SH3GL2: variants seen among roughly 807,000 people sequenced by gnomAD.
SH3GL2 encodes the protein SH3 domain containing GRB2 like 2, endophilin A1.
In SH3GL2, 24 loss-of-function variants were observed where a neutral mutation model predicts 46.0. The ratio of observed to expected loss-of-function variants is 0.52; its 90% CI spans 0.38 to 0.73. The LOEUF (loss-of-function observed/expected upper bound fraction) is 0.73, where lower values mean the gene tolerates loss of function less well. Ranked by LOEUF, SH3GL2 falls within the 30% of genes least tolerant of loss-of-function variation. The pLI is 0.00. For missense variants in SH3GL2, 413 were observed against 424.2 expected (o/e 0.97, Z 0.23); for synonymous variants, 196 against 147.1 (o/e 1.33, Z -2.40).
At chr9:17,615,712 T>G (rs1259360406) in intron 1 of SH3GL2, among the ~76,000 whole-genome samples, 3 of 149,858 alleles carry the variant, frequency 2.0e-5, no homozygotes, top group Admixed American at 6.6e-5. Flanking sequence ...TGTTTATTGT[T>G]AAAAACTTAG....
At chr9:17,678,831 G>C (rs1382663318) in intron 1 of SH3GL2, among the ~76,000 whole-genome samples, 2 of 152,156 alleles carry the variant, frequency 1.3e-5, no homozygotes, top group Non-Finnish European at 2.9e-5. Context: ...AAGGGATCTA[G>C]TTTCGGCTTT....
chr9:17,646,819 G>C (rs1819830518), intron 1 of SH3GL2, among the ~76,000 whole-genome samples: 1 of 152,214 alleles, frequency 6.6e-6, no homozygotes, highest in South Asian at 2.1e-4. Flanking sequence ...GACCCCTGCT[G>C]GGAGATGTCT....
At chr9:17,719,233 G>C (rs908248036) in intron 1 of SH3GL2, among the ~76,000 whole-genome samples, 4 of 152,108 alleles carry the variant, frequency 2.6e-5, no homozygotes, top group Admixed American at 1.3e-4. Context: ...CATTAATTGT[G>C]CCAATATTAC....
intron 1 of SH3GL2, among the ~76,000 whole-genome samples, chr9:17,674,273 A>T (rs998010816): frequency 6.6e-6 from 1 of 151,732 alleles, no homozygotes; most frequent in African/African-American, 2.4e-5. Context: ...TTATTTATTT[A>T]TTTATTTTTT....
chr9:17,710,719 A>C (rs1293449204), intron 1 of SH3GL2, among the ~76,000 whole-genome samples: 1 of 151,990 alleles, frequency 6.6e-6, no homozygotes, highest in Non-Finnish European at 1.5e-5. Flanking sequence ...ACAAGGGATA[A>C]AATTTTGACA....
At chr9:17,705,141 A>G (rs1295855957) in intron 1 of SH3GL2, among the ~76,000 whole-genome samples, 2 of 152,216 alleles carry the variant, frequency 1.3e-5, no homozygotes, top group Non-Finnish European at 2.9e-5. Context: ...ATATAAAAAC[A>G]TGCTCAACAT....
chr9:17,686,707 C>T (rs530575823), intron 1 of SH3GL2, among the ~76,000 whole-genome samples: 5 of 142,080 alleles, frequency 3.5e-5, no homozygotes, highest in Non-Finnish European at 7.5e-5. Flanking sequence ...CCAAACACCG[C>T]ATATTCTCAC....
intron 1 of SH3GL2, among the ~76,000 whole-genome samples, chr9:17,712,534 C>T (rs1821653931): frequency 1.3e-5 from 2 of 151,740 alleles, no homozygotes; most frequent in Non-Finnish European, 3.0e-5. Context: ...TATGAACATC[C>T]AATTTCTCTA....
chr9:17,612,474 CT>C (rs1818889965), intron 1 of SH3GL2, among the ~76,000 whole-genome samples: 1 of 152,112 alleles, frequency 6.6e-6, no homozygotes, highest in Non-Finnish European at 1.5e-5. Context: ...TCAGGTGATT[CT>C]TATGTACATT....
chr9:17,607,976 TA>T (rs1320143545), intron 1 of SH3GL2, among the ~76,000 whole-genome samples: 10 of 152,156 alleles, frequency 6.6e-5, no homozygotes, highest in Non-Finnish European at 1.5e-4. Context: ...ATGAAATGTT[TA>T]TTATGGTGAA....
At chr9:17,627,612 G>T (rs1471089503) in intron 1 of SH3GL2, among the ~76,000 whole-genome samples, 1 of 152,164 alleles carries the variant, frequency 6.6e-6, no homozygotes, top group Non-Finnish European at 1.5e-5. Context: ...TAATTTCTAT[G>T]AATTGCTATG....
intron 1 of SH3GL2, among the ~76,000 whole-genome samples, chr9:17,595,664 T>A (rs1818556328): frequency 6.6e-6 from 1 of 152,194 alleles, no homozygotes; most frequent in Admixed American, 6.5e-5. Flanking sequence ...AGGAAGTAAA[T>A]CTGTATGTCA....
At chr9:17,790,022 A>G (rs9406729) in intron 6 of SH3GL2, among the ~76,000 whole-genome samples, 2,408 of 152,236 alleles carry the variant, frequency 0.016, 52 homozygotes, top group African/African-American at 0.054. Flanking sequence ...GTATAACTCA[A>G]TAGAGGCCTG....
chr9:17,694,135 G>A (rs771659886), intron 1 of SH3GL2, among the ~76,000 whole-genome samples: 6 of 152,060 alleles, frequency 3.9e-5, no homozygotes, highest in Non-Finnish European at 8.8e-5. Context: ...GTATTAGTCT[G>A]TTCTTATACT....
chr9:17,764,560 A>G (rs969265686), intron 3 of SH3GL2, among the ~76,000 whole-genome samples: 5 of 152,256 alleles, frequency 3.3e-5, no homozygotes, highest in African/African-American at 1.2e-4. Flanking sequence ...GGCCTGGGTT[A>G]GGACAGGGCC....
chr9:17,610,350 A>G (rs1025171392), intron 1 of SH3GL2, among the ~76,000 whole-genome samples: 13 of 152,202 alleles, frequency 8.5e-5, no homozygotes, highest in African/African-American at 2.7e-4. Context: ...TTATGTATTC[A>G]GTGAACACTA....
intron 1 of SH3GL2, among the ~76,000 whole-genome samples, chr9:17,709,218 AG>A (rs910937290): frequency 1.1e-4 from 17 of 152,158 alleles, no homozygotes; most frequent in Middle Eastern, 3.4e-3. Flanking sequence ...GCCTGAAAAA[AG>A]CTTGGTTTAT....
intron 1 of SH3GL2, among the ~76,000 whole-genome samples, chr9:17,605,782 A>C (rs979789343): frequency 6.6e-6 from 1 of 152,174 alleles, no homozygotes; most frequent in Non-Finnish European, 1.5e-5. Flanking sequence ...TTACATTCCT[A>C]AAGACTCTCA....
intron 1 of SH3GL2, among the ~76,000 whole-genome samples, chr9:17,597,006 G>T (rs1251518209): frequency 6.6e-6 from 1 of 152,254 alleles, no homozygotes; most frequent in East Asian, 1.9e-4. Context: ...AATAATTTCT[G>T]TGAAATCATT....
Sources: allele counts gnomAD v4.1 joint callset (sites outside exome capture counted in the v4.1 genomes callset), GRCh38; gene constraint gnomAD v4.1.1; transcripts MANE v1.5; gene names NCBI Gene and HGNC (gene_info 2026-07-23, HGNC 2026-07-21).